Variants in RORA observed in about 807,000 individuals in gnomAD.
RORA encodes the protein RAR related orphan receptor A.
Under a neutral mutation model 69.5 loss-of-function variants are expected in RORA, and 7 were observed. The ratio of observed to expected loss-of-function variants is 0.10; its 90% CI spans 0.06 to 0.19. The LOEUF is 0.19. Among genes scored for constraint, RORA ranks in the 10% least tolerant of loss-of-function variants. The pLI is 1.00. For missense variants in RORA, 457 were observed against 663.0 expected (o/e 0.69, Z 3.41); for synonymous variants, 261 against 240.8 (o/e 1.08, Z -0.78).
chr15:61,215,435 C>T (rs913668910), intron 1 of RORA, among the ~76,000 whole-genome samples: 1 of 152,162 alleles, frequency 6.6e-6, no homozygotes, highest in African/African-American at 2.4e-5. Flanking sequence ...AATAGGGGTT[C>T]TCAGACATGG....
At chr15:60,802,544 G>A (rs1382661326) in intron 1 of RORA, among the ~76,000 whole-genome samples, 2 of 152,168 alleles carry the variant, frequency 1.3e-5, no homozygotes, top group South Asian at 4.2e-4. Flanking sequence ...TCCGAAGGAA[G>A]AACCTTGCCT....
intron 1 of RORA, among the ~76,000 whole-genome samples, chr15:60,870,703 T>C (rs2073546305): frequency 2.6e-5 from 4 of 152,240 alleles, no homozygotes; most frequent in Admixed American, 2.6e-4. Context: ...ATGGCCTGCA[T>C]CTTCCCCTCC....
chr15:61,153,026 G>A (rs1339124378), intron 1 of RORA, among the ~76,000 whole-genome samples: 1 of 152,120 alleles, frequency 6.6e-6, no homozygotes, highest in African/African-American at 2.4e-5. Flanking sequence ...TGAAGGGTGG[G>A]TAGGTGTGTA....
chr15:61,173,671 TGTGAGATG>T (rs2079604155), intron 1 of RORA, among the ~76,000 whole-genome samples: 1 of 152,216 alleles, frequency 6.6e-6, no homozygotes, highest in Non-Finnish European at 1.5e-5. Context: ...TTTTTGAGTG[TGTGAGATG>T]GGGTCCTGCT....
intron 1 of RORA, among the ~76,000 whole-genome samples, chr15:60,819,358 C>T (rs2072858025): frequency 6.6e-6 from 1 of 152,158 alleles, no homozygotes; most frequent in Non-Finnish European, 1.5e-5. Context: ...TGGAATTAGT[C>T]AAGGCTTCGA....
At chr15:60,728,986 G>T (rs1037326640) in intron 1 of RORA, among the ~76,000 whole-genome samples, 3 of 152,278 alleles carry the variant, frequency 2.0e-5, no homozygotes, top group African/African-American at 7.2e-5. Context: ...GAGCTAATAC[G>T]TTGTTATATC....
In RORA at chr15:60,516,237, A is replaced by ATATATATATT. The variant is rs1567052746; in HGVS notation, c.283-1481_283-1480insAATATATATA. ...TATATATATATTTATATATATATTT[A>ATATATATATT]TATATATATATTTATATATATATAT... On this transcript the variant is annotated intron_variant, in intron 3 of 10. Transcript: ENST00000335670. 2.4e-4 allele frequency among the ~76,000 whole-genome samples: 10 copies of ATATATATATT among 42,310 alleles called. No individual in the cohort carries two copies. In the South Asian group the frequency reaches 4.7e-3, roughly 20 times the overall value. The allele number at this position is 42,310 out of a possible 152,430, so 27.8% of individuals were successfully genotyped here. A position where few individuals can be genotyped will look rare whatever the true frequency, so the allele number is the denominator to read the frequency against.
At chr15:61,156,491 A>G (rs1008848514) in intron 1 of RORA, among the ~76,000 whole-genome samples, 1 of 152,006 alleles carries the variant, frequency 6.6e-6, no homozygotes. Context: ...CTTCTCAGCA[A>G]CTCTCCATTA....
chr15:60,735,415 C>A (rs1056898759), intron 1 of RORA, among the ~76,000 whole-genome samples: 5 of 152,134 alleles, frequency 3.3e-5, no homozygotes, highest in African/African-American at 4.8e-5. Flanking sequence ...TGGTAGACAT[C>A]ATTCTAAACT....
chr15:60,605,898 A>G (rs2068934966), intron 2 of RORA, among the ~76,000 whole-genome samples: 1 of 152,200 alleles, frequency 6.6e-6, no homozygotes, highest in Admixed American at 6.5e-5. Flanking sequence ...TTGCCGACAG[A>G]CATCCTCCAA....
chr15:61,082,160 A>G (rs2078551922), intron 1 of RORA, among the ~76,000 whole-genome samples: 1 of 152,194 alleles, frequency 6.6e-6, no homozygotes, highest in Non-Finnish European at 1.5e-5. Context: ...GCCGAGGTCC[A>G]CTTACACACG....
intron 1 of RORA, among the ~76,000 whole-genome samples, chr15:60,774,101 C>T (rs1595704377): frequency 6.6e-6 from 1 of 152,182 alleles, no homozygotes; most frequent in African/African-American, 2.4e-5. Context: ...CAGTACGTGC[C>T]TTTGGCCTGA....
Position 60,514,591 on chromosome 15 carries a change from T to G in RORA, c.424+25A>C, listed in dbSNP as rs777582001. 4 of 1,612,972 alleles carry G rather than the reference T, an allele frequency of 2.5e-6. No homozygotes were observed. The Admixed American group carries it at 6.7e-5, about 27-fold the overall frequency. ...GCACTTTCACAACCCCGTGCAACTG[T>G]ACAACTCAAGCTGTGAGAGCTCACC... On this transcript the variant is annotated intron_variant, in intron 4 of 10. Coordinates refer to ENST00000335670, the MANE Select transcript of RORA (RefSeq NM_134261.3).
chr15:61,005,061 C>G (rs1401812359), intron 1 of RORA, among the ~76,000 whole-genome samples: 1 of 152,120 alleles, frequency 6.6e-6, no homozygotes, highest in Non-Finnish European at 1.5e-5. Context: ...CGTATTGTAT[C>G]AGACATATGC....
chr15:61,212,747 T>C lies in RORA; in HGVS notation c.166+16306A>G, dbSNP rs573981175. 6.3e-4 allele frequency among the ~76,000 whole-genome samples: 96 copies of C among 152,244 alleles called. 1 individual carries two copies. Among genetic ancestry groups the C allele is most frequent in the African/African-American group, 2.3e-3 (94 of 41,536 alleles). ...GTAGGGTCTCCAAGTCCCAATCCAC[T>C]TTTGTGAGAGACTTTTCTTTGTCAT... On this transcript the variant is annotated intron_variant, in intron 1 of 10. Transcript: ENST00000335670.
chr15:60,886,266 T>C (rs1032633782), intron 1 of RORA, among the ~76,000 whole-genome samples: 4 of 151,924 alleles, frequency 2.6e-5, no homozygotes, highest in African/African-American at 4.8e-5. Flanking sequence ...AGAATTGAGA[T>C]GGTAAAAATA....
At chr15:60,735,580 A>AAAAAAAACC (rs1555449382) in intron 1 of RORA, among the ~76,000 whole-genome samples, 20 of 151,918 alleles carry the variant, frequency 1.3e-4, no homozygotes, top group African/African-American at 4.6e-4. Flanking sequence ...AAAAAGGAAA[A>AAAAAAAACC]AAAAAAAACC....
At chr15:60,919,041 G>A (rs1891960441) in intron 1 of RORA, among the ~76,000 whole-genome samples, 1 of 152,144 alleles carries the variant, frequency 6.6e-6, no homozygotes, top group South Asian at 2.1e-4. Flanking sequence ...ATGATGCTAC[G>A]AAAAGACATG....
chr15:60,751,483 T>G (rs1414928921), intron 1 of RORA, among the ~76,000 whole-genome samples: 6 of 152,200 alleles, frequency 3.9e-5, no homozygotes, highest in African/African-American at 1.4e-4. Context: ...ATTGAAAATA[T>G]GCATGTTTAT....
Sources: gnomAD v4.1 joint callset for allele counts (sites outside exome capture counted in the v4.1 genomes callset) on GRCh38, gnomAD v4.1.1 for gene constraint, MANE v1.5 for transcripts, NCBI Gene and HGNC (gene_info 2026-07-23, HGNC 2026-07-21) for gene names.